RAB2A: variants seen among roughly 807,000 people sequenced by gnomAD.
RAB2A encodes the protein RAB2A, member RAS oncogene family, also known as ras-related protein Rab-2A.
A neutral mutation model predicts 32.5 loss-of-function variants in RAB2A; 7 were observed. The ratio of observed to expected loss-of-function variants is 0.22; its 90% CI spans 0.12 to 0.40. The LOEUF is 0.40. RAB2A is among the 10% of genes least tolerant of loss of function. RAB2A has a pLI of 1.00. For missense variants in RAB2A, 108 were observed against 260.7 expected (o/e 0.41, Z 4.03); for synonymous variants, 79 against 85.2 (o/e 0.93, Z 0.40).
intron 5 of RAB2A, among the ~76,000 whole-genome samples, chr8:60,588,084 G>T (rs1234700826): frequency 6.6e-6 from 1 of 152,132 alleles, no homozygotes; most frequent in African/African-American, 2.4e-5. Flanking sequence ...ACCAGCCTGG[G>T]CAATGTAGGG....
intron 7 of RAB2A, 82 bp downstream of exon 7, chr8:60,618,730 T>G (rs768015594): frequency 2.1e-6 from 1 of 483,426 alleles, no homozygotes; most frequent in African/African-American, 2.1e-5. Context: ...ATTTTATAAT[T>G]CATTATTTTA....
In RAB2A at chr8:60,525,940, T is replaced by C. The variant is rs1028601784; in HGVS notation, c.46+8687T>C. ...ATGAGAGAATAAAGATATATATATA[T>C]GTCTATATATGTATATATGTATATA... On this transcript the variant is annotated intron_variant, in intron 1 of 7. Coordinates refer to ENST00000262646, the MANE Select transcript of RAB2A (RefSeq NM_002865.3). Among the ~76,000 whole-genome samples the C allele has an allele frequency of 2.0e-5, 3 of 147,018 alleles. No homozygotes were observed. The Admixed American group carries it at 2.0e-4, about 10-fold the overall frequency.
At chr8:60,564,868 T>G (rs2130834776) in intron 2 of RAB2A, among the ~76,000 whole-genome samples, 1 of 152,372 alleles carries the variant, frequency 6.6e-6, no homozygotes, top group Non-Finnish European at 1.5e-5. Context: ...ACTTTAAAAA[T>G]ATTTGCTAAA....
At chr8:60,526,935 C>T (rs1021846321) in intron 1 of RAB2A, among the ~76,000 whole-genome samples, 1 of 146,064 alleles carries the variant, frequency 6.8e-6, no homozygotes. Context: ...CACCATTGCA[C>T]TCCAGCCTGG....
At chr8:60,618,435 GTTA>G (rs1332253539) in intron 6 of RAB2A, 142 bp from the exon 7 acceptor site, 2 of 282,504 alleles carry the variant, frequency 7.1e-6, no homozygotes, top group Non-Finnish European at 1.3e-5. Flanking sequence ...TTATTAATAT[GTTA>G]TTAATATCTT....
chr8:60,580,654 G>A (rs898965908), intron 3 of RAB2A, among the ~76,000 whole-genome samples: 2 of 152,182 alleles, frequency 1.3e-5, no homozygotes, highest in Non-Finnish European at 2.9e-5. Flanking sequence ...GTTTAATTTT[G>A]TAGTGGGCAG....
Position 60,620,798 on chromosome 8 carries a change from G to A in RAB2A, c.*29G>A, listed in dbSNP as rs774366556. On this transcript the variant is annotated 3_prime_UTR_variant, in exon 8 of 8. Coordinates refer to ENST00000262646, the MANE Select transcript of RAB2A (RefSeq NM_002865.3). ...TGTTTTTACTGTCTAGCTGCCCAAC[G>A]GGGCCTACTCACTTATTCTTTCACC... 32 of 1,588,666 alleles carry A rather than the reference G, an allele frequency of 2.0e-5. No individual in the cohort carries two copies. The highest frequency in any genetic ancestry group is 4.1e-5 in the African/African-American group (3 of 73,832).
intron 1 of RAB2A, among the ~76,000 whole-genome samples, chr8:60,531,500 A>G (rs889890225): frequency 6.6e-6 from 1 of 152,226 alleles, no homozygotes; most frequent in Non-Finnish European, 1.5e-5. Context: ...TGTAAGCTGC[A>G]AAGTGCTTTA....
intron 5 of RAB2A, among the ~76,000 whole-genome samples, chr8:60,589,855 A>G (rs1803912947): frequency 1.3e-5 from 2 of 152,220 alleles, no homozygotes; most frequent in Non-Finnish European, 2.9e-5. Flanking sequence ...ATACACCTAC[A>G]CATATAACAA....
chr8:60,598,937 CAAAAAAAAAAAA>C (rs56406651), intron 6 of RAB2A, among the ~76,000 whole-genome samples: 20 of 40,390 alleles, frequency 5.0e-4, no homozygotes, highest in South Asian at 4.6e-3. Context: ...TGCAGTAAAG[CAAAAAAAAAAAA>C]AAAAAAAAAA....
intron 2 of RAB2A, among the ~76,000 whole-genome samples, chr8:60,560,279 G>A (rs150876698): frequency 2.0e-5 from 3 of 152,296 alleles, no homozygotes; most frequent in African/African-American, 7.2e-5. Context: ...GGTAGAGACA[G>A]TGTTTTGCCT....
intron 1 of RAB2A, among the ~76,000 whole-genome samples, chr8:60,521,688 TG>T (rs1460075028): frequency 6.6e-6 from 1 of 152,200 alleles, no homozygotes; most frequent in African/African-American, 2.4e-5. Flanking sequence ...TGGCGCCATC[TG>T]GGTTCACTGC....
chr8:60,607,428 CAA>C (rs773988383), intron 6 of RAB2A, among the ~76,000 whole-genome samples: 125 of 57,452 alleles, frequency 2.2e-3, no homozygotes, highest in African/African-American at 4.7e-3. Context: ...GACTCCATCT[CAA>C]AAAAAAAAAA....
chr8:60,530,706 T>C (rs1302087078), intron 1 of RAB2A, among the ~76,000 whole-genome samples: 1 of 152,214 alleles, frequency 6.6e-6, no homozygotes, highest in African/African-American at 2.4e-5. Flanking sequence ...TTTATATGTA[T>C]TGTAATCACT....
intron 6 of RAB2A, 70 bp downstream of exon 6, chr8:60,592,039 CTTATTAT>C (rs1803952288): frequency 2.1e-6 from 2 of 941,092 alleles, no homozygotes; most frequent in Non-Finnish European, 3.2e-6. Context: ...CTTCATTTTA[CTTATTAT>C]TTAAGTTTTT....
chr8:60,586,781 T>A (rs1312196510), intron 5 of RAB2A, among the ~76,000 whole-genome samples: 1 of 151,874 alleles, frequency 6.6e-6, no homozygotes, highest in Non-Finnish European at 1.5e-5. Context: ...TAAAAAAAAC[T>A]AGCTAGGCAT....
At chr8:60,532,219 G>GA (rs1273930196) in intron 1 of RAB2A, among the ~76,000 whole-genome samples, 1 of 152,178 alleles carries the variant, frequency 6.6e-6, no homozygotes, top group East Asian at 1.9e-4. Flanking sequence ...AGAAGTCTTT[G>GA]ATATAAATAA....
chr8:60,600,080 AC>A (rs200175205), intron 6 of RAB2A, among the ~76,000 whole-genome samples: 11 of 149,332 alleles, frequency 7.4e-5, no homozygotes, highest in Non-Finnish European at 1.0e-4. Context: ...AAAAAAAAAA[AC>A]AATGCAATTA....
intron 6 of RAB2A, among the ~76,000 whole-genome samples, chr8:60,617,605 G>T (rs1804467673): frequency 6.6e-6 from 1 of 152,032 alleles, no homozygotes; most frequent in African/African-American, 2.4e-5. Context: ...CGTTAGCTGG[G>T]TGTGGCAGCA....
Sources: gnomAD v4.1 joint callset for allele counts (sites outside exome capture counted in the v4.1 genomes callset) on GRCh38, gnomAD v4.1.1 for gene constraint, MANE v1.5 for transcripts, NCBI Gene and HGNC (gene_info 2026-07-23, HGNC 2026-07-21) for gene names.